The following OR4M1 variants were observed in gnomAD, a reference collection of about 807,000 sequenced individuals.
The protein encoded by OR4M1 is olfactory receptor 4M1.
OR4M1 carries 7 observed loss-of-function variants against 9.8 expected under a neutral mutation model. The observed-to-expected ratio is 0.71, with a 90% CI of 0.41 to 1.34. The LOEUF is 1.34. Among genes scored for constraint, OR4M1 ranks in the 40% most tolerant of loss-of-function variants. The pLI is 0.01. For synonymous variants in OR4M1, 121 were observed against 139.8 expected (o/e 0.87, Z 0.95); for missense variants, 331 against 380.4 (o/e 0.87, Z 1.08).
chr14:19,776,571 C>G (rs1259093896), intron 1 of OR4M1, among the ~76,000 whole-genome samples: 2 of 152,222 alleles, frequency 1.3e-5, no homozygotes, highest in Admixed American at 1.3e-4. Flanking sequence ...TATCCAACCA[C>G]TGGTCTAAGA....
At chr14:19,775,417 G>T (rs570413689) in intron 1 of OR4M1, among the ~76,000 whole-genome samples, 24 of 152,056 alleles carry the variant, frequency 1.6e-4, no homozygotes, top group African/African-American at 5.8e-4. Flanking sequence ...CACCCTGCAG[G>T]CTGCAACTCT....
At position 19,781,496 on chromosome 14, in the gene OR4M1, A is replaced by C. The variant is rs577345856; in HGVS notation, c.*232A>C. The C allele has an allele frequency of 2.6e-4, 133 of 502,876 alleles. No individual in the cohort carries two copies. The highest frequency in any genetic ancestry group is 2.4e-3 in the African/African-American group (122 of 51,238). 31.2% of individuals were successfully genotyped at this position (502,876 alleles called of 1,614,324 possible). ...AGGCAGATCATTATTAGAATTTGAG[A>C]TATAATAATAATCTGCTAAAGTACA... On this transcript the variant is annotated 3_prime_UTR_variant, in exon 2 of 2. Coordinates refer to ENST00000641200, the MANE Select transcript of OR4M1 (RefSeq NM_001005500.2).
rs776983624 is a variant in OR4M1 at position 19,780,928 on chromosome 14, T to C, written c.606T>C (p.Ser202=). Residue 202 remains serine (S), a synonymous_variant, in exon 2 of 2, where the codon AGT becomes AGC. Transcript: ENST00000641200. ...CAGAGGAGTTAGTGATGATCTGTAGTAGTGGTCTGATCTCTGTGGTGTGTT... is the reference window on the plus strand; with the variant it reads ...CAGAGGAGTTAGTGATGATCTGTAGCAGTGGTCTGATCTCTGTGGTGTGTT... The part of the protein sequence containing the change: ...TFPEELVMIC[S]SGLISVVCFI... 22 of 1,614,124 alleles carry C rather than the reference T, an allele frequency of 1.4e-5. 1 individual carries two copies. In the Admixed American group the frequency reaches 2.3e-4, roughly 17 times the overall value.
At chr14:19,774,043 A>G (rs1878241676) in intron 1 of OR4M1, among the ~76,000 whole-genome samples, 4 of 152,254 alleles carry the variant, frequency 2.6e-5, no homozygotes, top group African/African-American at 7.2e-5. Flanking sequence ...TTCTTCTTAT[A>G]GTTCTTCAAG....
chr14:19,775,248 C>T (rs1300208045), intron 1 of OR4M1, among the ~76,000 whole-genome samples: 1 of 152,204 alleles, frequency 6.6e-6, no homozygotes, highest in Non-Finnish European at 1.5e-5. Context: ...TGTGCATGTG[C>T]ACGGTTGTCC....
chr14:19,778,181 C>T (rs1566450790), intron 1 of OR4M1, among the ~76,000 whole-genome samples: 1 of 152,188 alleles, frequency 6.6e-6, no homozygotes, highest in Non-Finnish European at 1.5e-5. Context: ...AAGAAAATCT[C>T]TTTGACACTT....
intron 1 of OR4M1, among the ~76,000 whole-genome samples, chr14:19,775,703 T>C (rs900888896): frequency 2.1e-5 from 3 of 143,550 alleles, no homozygotes; most frequent in Non-Finnish European, 1.6e-5. Context: ...ATTAGTTGTA[T>C]ATAAAATATT....
At position 19,782,493 on chromosome 14, in the gene OR4M1, A is replaced by T. The variant is rs1878530183; in HGVS notation, c.*1229A>T. 1 of 152,358 alleles carries T rather than the reference A, an allele frequency of 6.6e-6. No individual in the cohort carries two copies. Among genetic ancestry groups the T allele is most frequent in the East Asian group, 1.9e-4 (1 of 5,190 alleles). 9.4% of individuals were successfully genotyped at this position (152,358 alleles called of 1,614,324 possible). The stretch of plus-strand genomic sequence containing the variant: ...ATGGACTAAATTTTAAGTGAATTAG[A>T]TCCTTGTCAACATTAGGAATGAATA... On this transcript the variant is annotated 3_prime_UTR_variant, in exon 2 of 2. Coordinates refer to ENST00000641200, the MANE Select transcript of OR4M1 (RefSeq NM_001005500.2).
Position 19,776,044 on chromosome 14 carries a change from G to A in OR4M1, c.-30+2451G>A, listed in dbSNP as rs1407910467. 2.0e-5 allele frequency among the ~76,000 whole-genome samples: 3 copies of A among 152,114 alleles called. No homozygotes were observed. The South Asian group carries it at 6.2e-4, about 31-fold the overall frequency. Reference sequence around the variant, plus strand: ...CTATACCCGTCTATATGGTGAAGATGCTTCTGTATACTCCTTCCTCACCAT... The same window carrying A: ...CTATACCCGTCTATATGGTGAAGATACTTCTGTATACTCCTTCCTCACCAT... On this transcript the variant is annotated intron_variant, in intron 1 of 1. Transcript: ENST00000641200.
At chr14:19,778,853 T>G (rs1170911013) in intron 1 of OR4M1, among the ~76,000 whole-genome samples, 2 of 152,194 alleles carry the variant, frequency 1.3e-5, no homozygotes, top group Non-Finnish European at 2.9e-5. Flanking sequence ...AAATTTTAAA[T>G]TTTTCAATCT....
chr14:19,776,999 G>C (rs1448745308), intron 1 of OR4M1, among the ~76,000 whole-genome samples: 2 of 88,036 alleles, frequency 2.3e-5, no homozygotes, highest in Non-Finnish European at 4.4e-5. Context: ...TTGCTGTATT[G>C]TTTAAGCCAT....
At position 19,773,850 on chromosome 14, in the gene OR4M1, G is replaced by A. The variant is rs116500973; in HGVS notation, c.-30+257G>A. Among the ~76,000 whole-genome samples, 43 of 152,210 alleles carry A rather than the reference G, an allele frequency of 2.8e-4. 1 individual carries two copies. Among genetic ancestry groups the A allele is most frequent in the African/African-American group, 9.4e-4 (39 of 41,450 alleles). On this transcript the variant is annotated intron_variant, in intron 1 of 1. Coordinates refer to ENST00000641200, the MANE Select transcript of OR4M1 (RefSeq NM_001005500.2). ...CATTTTAAAGTCAGGATTGAACAGG[G>A]CATTGAAGAGACAGCTTGGTCATTT...
At position 19,781,455 on chromosome 14, in the gene OR4M1, C is replaced by A. The variant is rs1878496940; in HGVS notation, c.*191C>A. Reference sequence around the variant, plus strand: ...TAAGATGAAAATAAATTTACTCACACCTACCCTGAAATTCCAGGCAGATCA... The same window carrying A: ...TAAGATGAAAATAAATTTACTCACAACTACCCTGAAATTCCAGGCAGATCA... On this transcript the variant is annotated 3_prime_UTR_variant, in exon 2 of 2. Coordinates refer to ENST00000641200, the MANE Select transcript of OR4M1 (RefSeq NM_001005500.2). 5.1e-6 allele frequency: 3 copies of A among 589,704 alleles called. No individual in the cohort carries two copies. Among genetic ancestry groups the A allele is most frequent in the Non-Finnish European group, 8.6e-6 (3 of 347,340 alleles). The allele number at this position is 589,704 out of a possible 1,614,324, so 36.5% of individuals were successfully genotyped here.
chr14:19,778,608 C>A (rs1317674424), intron 1 of OR4M1, among the ~76,000 whole-genome samples: 1 of 152,164 alleles, frequency 6.6e-6, no homozygotes, highest in African/African-American at 2.4e-5. Flanking sequence ...TTGTTGGAAC[C>A]TCATAGTTGA....
In OR4M1 at chr14:19,780,575, T is replaced by G. The variant is rs770937156; in HGVS notation, c.253T>G (p.Phe85Val). Residue 85 changes from phenylalanine to valine, a missense_variant, in exon 2 of 2, where the codon TTC becomes GTC. By Grantham distance (50) the Phe-to-Val change is conservative (BLOSUM62 -1). This residue lies in a region of OR4M1 where 209 missense variants were observed against 200.0 expected (regional missense o/e 1.04). Coordinates refer to ENST00000641200, the MANE Select transcript of OR4M1 (RefSeq NM_001005500.2). ...SITAPKMLID[F>V]FVERKIISFG... ...TACAGCCCCTAAAATGCTCATAGAC[T>G]TCTTTGTGGAGAGGAAGATAATTTC... 17 of 1,614,112 alleles carry G rather than the reference T, an allele frequency of 1.1e-5. No individual in the cohort carries two copies. Among genetic ancestry groups the G allele is most frequent in the Admixed American group, 1.7e-5 (1 of 60,016 alleles).
intron 1 of OR4M1, among the ~76,000 whole-genome samples, chr14:19,777,076 G>T (rs1878338408): frequency 1.8e-5 from 2 of 110,952 alleles, no homozygotes; most frequent in African/African-American, 3.5e-5. Context: ...CTGTAATGTT[G>T]TCTTACTCCA....
At chr14:19,774,029 T>A (rs1426880534) in intron 1 of OR4M1, among the ~76,000 whole-genome samples, 1 of 152,254 alleles carries the variant, frequency 6.6e-6, no homozygotes, top group Non-Finnish European at 1.5e-5. Context: ...AGATCTTTAG[T>A]TACTTCTTCT....
At chr14:19,775,138 T>C (rs1270083201) in intron 1 of OR4M1, among the ~76,000 whole-genome samples, 1 of 152,230 alleles carries the variant, frequency 6.6e-6, no homozygotes, top group African/African-American at 2.4e-5. Flanking sequence ...CCACTGAAGC[T>C]GTCCCTCTTT....
At chr14:19,777,290 T>C (rs1180168855) in intron 1 of OR4M1, among the ~76,000 whole-genome samples, 2 of 151,594 alleles carry the variant, frequency 1.3e-5, no homozygotes, top group Non-Finnish European at 2.9e-5. Flanking sequence ...TCTTAGAAAG[T>C]CTTTCATGAC....
Sources: gnomAD v4.1 joint callset for allele counts (sites outside exome capture counted in the v4.1 genomes callset) on GRCh38, gnomAD v4.1.1 for gene constraint, gnomAD v4.1.1 regional missense constraint, MANE v1.5 for transcripts, NCBI Gene and HGNC (gene_info 2026-07-23, HGNC 2026-07-21) for gene names.